SMTN: variants seen among roughly 807,000 people sequenced by gnomAD.
The protein encoded by SMTN is smoothelin.
SMTN carries 58 observed loss-of-function variants against 102.0 expected under a neutral mutation model. The observed-to-expected ratio is 0.57, with a 90% CI of 0.46 to 0.71. The LOEUF (loss-of-function observed/expected upper bound fraction) is 0.71. Ranked by LOEUF, SMTN falls within the 30% of genes least tolerant of loss-of-function variation. The pLI is 0.00. For missense variants in SMTN, 1,185 were observed against 1,241.7 expected (o/e 0.95, Z 0.69); for synonymous variants, 478 against 497.9 (o/e 0.96, Z 0.53).
intron 2 of SMTN, among the ~76,000 whole-genome samples, chr22:31,086,564 A>G (rs972742115): frequency 2.0e-5 from 3 of 152,112 alleles, no homozygotes; most frequent in Admixed American, 2.0e-4. Context: ...TATGGGGGTG[A>G]TGCTTATTGC....
At chr22:31,077,799 C>T (rs953289495), upstream of SMTN, among the ~76,000 whole-genome samples, 1 of 152,240 alleles carries the variant, frequency 6.6e-6, no homozygotes, top group African/African-American at 2.4e-5. Flanking sequence ...CACTGTTGCC[C>T]AGAGAACACA....
At chr22:31,099,942 C>T (rs2147804274) in intron 19 of SMTN, 46 bp downstream of exon 19, 1 of 1,596,216 alleles carries the variant, frequency 6.3e-7, no homozygotes, top group South Asian at 1.1e-5. Flanking sequence ...ACATCTGGGG[C>T]TGGACATCGG....
chr22:31,093,715 G>T (rs537716340), intron 11 of SMTN: 1 of 1,201,826 alleles, frequency 8.3e-7, no homozygotes, highest in Non-Finnish European at 1.2e-6. Context: ...ACTTGTGTCC[G>T]GCCTTGAGCC....
intron 1 of SMTN, among the ~76,000 whole-genome samples, chr22:31,076,160 C>T (rs375091387): frequency 2.0e-5 from 3 of 152,208 alleles, no homozygotes; most frequent in Non-Finnish European, 4.4e-5. Context: ...CCAGCCGCCA[C>T]GTCTACACTT....
In SMTN at chr22:31,098,827, G is replaced by A; in HGVS notation, c.2320G>A (p.Glu774Lys). The A allele has an allele frequency of 6.2e-7, 1 of 1,609,404 alleles. No homozygotes were observed. The highest frequency in any genetic ancestry group is 8.5e-7 in the Non-Finnish European group (1 of 1,179,330). Residue 774 changes from glutamate to lysine, a missense_variant, in exon 17 of 21, where the codon GAG (glutamate) becomes AAG (lysine). Coordinates refer to ENST00000333137, the MANE Select transcript of SMTN (RefSeq NM_134269.3). ...GGCCATGATTGAGAAGCTGGAGAAG[G>A]AGGGCGCGGCCGGGTGAGCTGCAGA... ...RKAMIEKLEK[E>K]GAAGSPGGPR...
rs1163180926 is a variant in SMTN, at chr22:31,087,846, C to G, written c.52-119C>G. The G allele has an allele frequency of 5.2e-6, 6 of 1,151,292 alleles. No individual in the cohort carries two copies. The East Asian group carries it at 1.6e-4, about 30-fold the overall frequency. The allele number at this position is 1,151,292 out of a possible 1,614,324, so 71.3% of individuals were successfully genotyped here. A position where few individuals can be genotyped will look rare whatever the true frequency, so the allele number is the denominator to read the frequency against. On this transcript the variant is annotated intron_variant, in intron 2 of 20. Coordinates refer to ENST00000333137, the MANE Select transcript of SMTN (RefSeq NM_134269.3). ...CGTGGGCAGGCAGGCACGTGAAGAG[C>G]TTGGGACACAGGGAGTGGACACAGG... is the stretch of plus-strand genomic sequence containing the variant.
At chr22:31,074,865 TG>T (rs1386117529) in intron 1 of SMTN, among the ~76,000 whole-genome samples, 3 of 152,138 alleles carry the variant, frequency 2.0e-5, no homozygotes, top group African/African-American at 7.2e-5. Context: ...GTCCTAACGT[TG>T]GGGGCTATTG....
intron 11 of SMTN, chr22:31,093,398 G>A (rs1364644372): frequency 2.4e-6 from 1 of 423,976 alleles, no homozygotes; most frequent in East Asian, 5.5e-5. Context: ...AGAGACAGCA[G>A]CCCCTGCCAC....
At position 31,095,591 on chromosome 22, in the gene SMTN, C is replaced by T; in HGVS notation, c.1843C>T (p.Leu615Phe). The T allele has an allele frequency of 1.9e-6, 3 of 1,613,490 alleles. No individual in the cohort carries two copies. Among genetic ancestry groups the T allele is most frequent in the Non-Finnish European group, 2.5e-6 (3 of 1,179,794 alleles). Residue 615 changes from leucine to phenylalanine, a missense_variant, in exon 13 of 21, where the codon CTC becomes TTC. By Grantham distance (22) the Leu-to-Phe change is conservative. Transcript: ENST00000333137. The surrounding 1 kb of genome is among the most constrained non-coding windows in gnomAD (Gnocchi z 4.1). ...GCTCATCCGGGCTGCACTTCGTGAG[C>T]TCCGACAAAGGAAGAGAGGTAGAGA... ...RKLIRAALRE[L>F]RQRKRDQRDK...
intron 1 of SMTN, chr22:31,082,867 G>A: frequency 6.5e-6 from 10 of 1,536,978 alleles, no homozygotes; most frequent in South Asian, 1.2e-5. Context: ...GTCTTGCCAG[G>A]CCCTGGCTTC....
At chr22:31,077,176 G>A (rs548180456), upstream of SMTN, among the ~76,000 whole-genome samples, 6 of 152,290 alleles carry the variant, frequency 3.9e-5, no homozygotes, top group East Asian at 1.2e-3. Context: ...GGAAGGTCAA[G>A]GCAGGCGGAT....
At chr22:31,069,583 AGG>A (rs750789740) in intron 1 of SMTN, among the ~76,000 whole-genome samples, 1 of 152,218 alleles carries the variant, frequency 6.6e-6, no homozygotes, top group Non-Finnish European at 1.5e-5. Flanking sequence ...GAACGCCTAG[AGG>A]TAGGGACGAG....
upstream of SMTN, among the ~76,000 whole-genome samples, chr22:31,081,156 C>G (rs2042279615): frequency 6.6e-6 from 1 of 151,950 alleles, no homozygotes; most frequent in Non-Finnish European, 1.5e-5. Context: ...TCCGACCTCC[C>G]TGGCCCGCGA....
Position 31,097,063 on chromosome 22 carries a change from A to G in SMTN, c.2089+3A>G. On this transcript the variant is annotated splice_donor_region_variant and intron_variant, in intron 15 of 20. Coordinates refer to ENST00000333137, the MANE Select transcript of SMTN (RefSeq NM_134269.3). Reference sequence around the variant, plus strand: ...GAGTTTCGTGAGGCGCTCGGAGAGTAAGGCCACCTGGTGTCGCCCTGTGCC... The same window carrying G: ...GAGTTTCGTGAGGCGCTCGGAGAGTGAGGCCACCTGGTGTCGCCCTGTGCC... 2 of 1,613,844 alleles carry G rather than the reference A, an allele frequency of 1.2e-6. No homozygotes were observed. Among genetic ancestry groups the G allele is most frequent in the Non-Finnish European group, 1.7e-6 (2 of 1,179,842 alleles).
chr22:31,070,513 G>A (rs1328675789), intron 1 of SMTN, among the ~76,000 whole-genome samples: 1 of 152,004 alleles, frequency 6.6e-6, no homozygotes, highest in Admixed American at 6.5e-5. Flanking sequence ...CCCACGTCGA[G>A]ACCAACTTAG....
rs74954408 is a variant in SMTN, at chr22:31,092,191, C to T, written c.1632+344C>T. Among the ~76,000 whole-genome samples the T allele has an allele frequency of 9.7e-3, 1,482 of 152,322 alleles. 36 individuals carry two copies. The highest frequency in any genetic ancestry group is 0.035 in the African/African-American group (1,434 of 41,556). ...GAGAGGGTGGTAAGGGCTTGCTCCC[C>T]TCTTCCTGTGGCAGCCCCAGTGCCC... is the stretch of plus-strand genomic sequence containing the variant. On this transcript the variant is annotated intron_variant, in intron 11 of 20. Transcript: ENST00000333137.
Position 31,100,918 on chromosome 22 carries a change from A to T in SMTN, c.2637A>T (p.Thr879=). 6.2e-7 allele frequency: 1 copy of T among 1,609,578 alleles called. No individual in the cohort carries two copies. Among genetic ancestry groups the T allele is most frequent in the South Asian group, 1.1e-5 (1 of 90,594 alleles). Residue 879 remains threonine, a synonymous_variant, in exon 20 of 21, where the codon ACA becomes ACT. Transcript: ENST00000333137. Reference sequence around the variant, plus strand: ...CGGACTGCCCGCAGCTCCTGGATACAGAGGACATGGTGCGGCTTCGAGAGC... The same window carrying T: ...CGGACTGCCCGCAGCTCCTGGATACTGAGGACATGGTGCGGCTTCGAGAGC... ...THADCPQLLD[T]EDMVRLREPD...
Position 31,090,968 on chromosome 22 carries a change from C to T in SMTN, c.945C>T (p.Thr315=). ...CCCTCCTGTTCCTTCTAGAGTCCAC[C>T]CCCCTTGCCAGCGGACCTTCCTCAT... The part of the protein sequence containing the change: ...PRQPAQNRES[T]PLASGPSSFQ... The change falls in exon 10 of 21, where the codon ACC becomes ACT. Residue 315 remains threonine, a synonymous_variant. Coordinates refer to ENST00000333137, the MANE Select transcript of SMTN (RefSeq NM_134269.3). 5 of 1,613,046 alleles carry T rather than the reference C, an allele frequency of 3.1e-6. No homozygotes were observed. Among genetic ancestry groups the T allele is most frequent in the Non-Finnish European group, 4.2e-6 (5 of 1,179,278 alleles).
At chr22:31,098,898 C>T in intron 17 of SMTN, 58 bp downstream of exon 17, 1 of 1,478,962 alleles carries the variant, frequency 6.8e-7, no homozygotes, top group Non-Finnish European at 9.1e-7. Context: ...CAGTGGGGGG[C>T]GGGGCTTGAT....
Sources: allele counts gnomAD v4.1 joint callset (sites outside exome capture counted in the v4.1 genomes callset), GRCh38; gene constraint gnomAD v4.1.1; non-coding constraint Gnocchi (gnomAD v3.1); transcripts MANE v1.5; gene names NCBI Gene and HGNC (gene_info 2026-07-23, HGNC 2026-07-21).